Variants in ABCC8 observed in about 807,000 individuals in gnomAD.
ABCC8 encodes ATP binding cassette subfamily C member 8.
ABCC8 carries 137 observed loss-of-function variants against 188.0 expected under a neutral mutation model. The observed-to-expected ratio is 0.73, with a 90% CI of 0.63 to 0.84. The LOEUF (loss-of-function observed/expected upper bound fraction) is 0.84. Ranked by LOEUF, ABCC8 falls within the 40% of genes least tolerant of loss-of-function variation. The pLI is 0.00. For missense variants in ABCC8, 1,750 were observed against 2,072.7 expected (o/e 0.84, Z 3.02); for synonymous variants, 797 against 846.5 (o/e 0.94, Z 1.01).
chr11:17,421,100 A>G (rs760275870), intron 16 of ABCC8, among the ~76,000 whole-genome samples: 1 of 152,082 alleles, frequency 6.6e-6, no homozygotes, highest in Non-Finnish European at 1.5e-5. Flanking sequence ...CTGTCTGCAC[A>G]CCTCTGTCCA....
At chr11:17,458,576 T>G (rs1318502702) in intron 6 of ABCC8, among the ~76,000 whole-genome samples, 1 of 152,192 alleles carries the variant, frequency 6.6e-6, no homozygotes, top group Non-Finnish European at 1.5e-5. Flanking sequence ...ATGGGGGTAT[T>G]CTGGGGTAGC....
Position 17,430,033 on chromosome 11 carries a change from C to T in ABCC8, c.1817+781G>A, listed in dbSNP as rs1384022065. The T allele has an allele frequency of 2.6e-5, 4 of 152,582 alleles. No homozygotes were observed. The East Asian group carries it at 7.7e-4, about 29-fold the overall frequency. The allele number at this position is 152,582 out of a possible 1,614,324, so 9.5% of individuals were successfully genotyped here. On this transcript the variant is annotated intron_variant, in intron 12 of 38. Coordinates refer to ENST00000389817, the MANE Select transcript of ABCC8 (RefSeq NM_000352.6). ...GTGTCACCTTCCTCAAGGCTGAAGA[C>T]ACAGAGGACATTTGTTACTGACTGG...
At chr11:17,434,998 T>C (rs796423655) in intron 10 of ABCC8, among the ~76,000 whole-genome samples, 5 of 147,600 alleles carry the variant, frequency 3.4e-5, no homozygotes, top group African/African-American at 1.3e-4. Context: ...TGTGTGTGTG[T>C]GTGTGTGTGT....
Position 17,431,009 on chromosome 11 carries a change from C to T in ABCC8, c.1672-50G>A, listed in dbSNP as rs749149218. The T allele has an allele frequency of 5.0e-6, 8 of 1,603,740 alleles. No homozygotes were observed. In the African/African-American group the frequency reaches 1.1e-4, roughly 21 times the overall value. On this transcript the variant is annotated intron_variant, in intron 11 of 38. Transcript: ENST00000389817. ...CCAGGGTGGCCCAGGGTGTGGGTCCCTCCCACACTGGAAACGCTCAGCACT... is the reference window on the plus strand; with the variant it reads ...CCAGGGTGGCCCAGGGTGTGGGTCCTTCCCACACTGGAAACGCTCAGCACT...
At chr11:17,475,252 C>G (rs937372176) in intron 1 of ABCC8, among the ~76,000 whole-genome samples, 1 of 152,218 alleles carries the variant, frequency 6.6e-6, no homozygotes, top group African/African-American at 2.4e-5. Flanking sequence ...GGGTCTTGCT[C>G]TGTTGCCTCT....
At chr11:17,396,578 T>C in intron 33 of ABCC8, 7 of 365,300 alleles carry the variant, frequency 1.9e-5, no homozygotes, top group South Asian at 1.6e-4. Flanking sequence ...CCCAGGTCCC[T>C]GCCCTGAAGC....
chr11:17,454,015 C>T (rs1226425721), intron 6 of ABCC8, among the ~76,000 whole-genome samples: 1 of 152,182 alleles, frequency 6.6e-6, no homozygotes, highest in Non-Finnish European at 1.5e-5. Flanking sequence ...CCCAGGAAAA[C>T]TTTGATCTTG....
chr11:17,394,118 TC>T (rs1367947296), intron 37 of ABCC8, 147 bp downstream of exon 37: 3 of 1,076,836 alleles, frequency 2.8e-6, no homozygotes, highest in Middle Eastern at 3.0e-4. Flanking sequence ...AGAGTCAGGG[TC>T]CCCCCAGCTC....
intron 12 of ABCC8, chr11:17,430,569 T>C: frequency 1.8e-6 from 1 of 546,644 alleles, no homozygotes; most frequent in Non-Finnish European, 3.3e-6. Flanking sequence ...TTTTAAGTTG[T>C]CGTGAAAGTG....
At position 17,396,988 on chromosome 11, in the gene ABCC8, C is replaced by G; in HGVS notation, c.4047G>C (p.Leu1349=). 6.2e-7 allele frequency: 1 copy of G among 1,614,234 alleles called. No homozygotes were observed. The highest frequency in any genetic ancestry group is 1.1e-5 in the South Asian group (1 of 91,080). Residue 1349 remains leucine (L), a synonymous_variant, in exon 33 of 39, where the codon CTG becomes CTC. Transcript: ENST00000389817. ...TCAGGGAGCTGTCGTAGCGCACGCT[C>G]AGGTTCTGGATCTGGATCTTCCCTT... ...PDQGKIQIQN[L]SVRYDSSLKP... is the part of the protein sequence containing the mutation.
At chr11:17,434,539 C>T (rs926212622) in intron 10 of ABCC8, among the ~76,000 whole-genome samples, 10 of 152,108 alleles carry the variant, frequency 6.6e-5, no homozygotes, top group South Asian at 2.1e-4. Context: ...CCATCCCAAA[C>T]GAAATAAACT....
At position 17,470,227 on chromosome 11, in the gene ABCC8, G is replaced by A. The variant is rs2133711631; in HGVS notation, c.291-5C>T. ...AGATGGTGGGATTCGGTCACCCTGA[G>A]ATGGGAGAGAGAAACAGACAGGATG... On this transcript the variant is annotated splice_polypyrimidine_tract_variant and splice_region_variant and intron_variant, in intron 2 of 38. Coordinates refer to ENST00000389817, the MANE Select transcript of ABCC8 (RefSeq NM_000352.6). 2 of 1,614,134 alleles carry A rather than the reference G, an allele frequency of 1.2e-6. No homozygotes were observed. Among genetic ancestry groups the A allele is most frequent in the East Asian group, 2.2e-5 (1 of 44,868 alleles).
rs1218705276 is a variant in ABCC8 at position 17,428,661 on chromosome 11, C to A, written c.1827G>T (p.Lys609Asn). The change falls in exon 13 of 39, where the codon AAG becomes AAT. Residue 609 changes from lysine (K) to asparagine (N), a missense_variant. By Grantham distance (94) the Lys-to-Asn change is moderately conservative. Transcript: ENST00000389817. ...STVKALVSVQ[K>N]LSEFLSSAEI... ...CTGCACTGGACAGGAACTCGCTTAG[C>A]TTTTGCACGCTGCTCGGGAAGCACA... The A allele has an allele frequency of 6.2e-7, 1 of 1,613,076 alleles. No homozygotes were observed. The highest frequency in any genetic ancestry group is 2.2e-5 in the East Asian group (1 of 44,886).
intron 23 of ABCC8, 155 bp from the exon 24 acceptor site, chr11:17,407,608 C>A (rs2133449872): frequency 1.2e-6 from 1 of 851,818 alleles, no homozygotes. Flanking sequence ...TTCATCTTGC[C>A]AGGATTTAGT....
chr11:17,450,336 CTT>C (rs1956748919), intron 7 of ABCC8, among the ~76,000 whole-genome samples: 1 of 123,746 alleles, frequency 8.1e-6, no homozygotes, highest in African/African-American at 3.0e-5. Context: ...CTCTCTCTCT[CTT>C]TCCTTTCTTT....
At chr11:17,414,207 G>A (rs1029229682) in intron 19 of ABCC8, among the ~76,000 whole-genome samples, 1 of 152,224 alleles carries the variant, frequency 6.6e-6, no homozygotes, top group Non-Finnish European at 1.5e-5. Flanking sequence ...TAGTGCAGGA[G>A]CCAGGCGAAT....
chr11:17,467,085 C>CACACA (rs1554945177), intron 3 of ABCC8, among the ~76,000 whole-genome samples: 59 of 150,784 alleles, frequency 3.9e-4, no homozygotes, highest in Middle Eastern at 3.4e-3. Flanking sequence ...CACACACACA[C>CACACA]AACTTCCCAT....
rs1244958149 is a variant in ABCC8, at chr11:17,435,698, A to G, written c.1631-3454T>C. 6 of 1,380,332 alleles carry G rather than the reference A, an allele frequency of 4.3e-6. No homozygotes were observed. The East Asian group carries it at 1.1e-4, about 26-fold the overall frequency. 85.5% of individuals were successfully genotyped at this position (1,380,332 alleles called of 1,614,324 possible). ...CACATGGCTGCCAGCCCTACAGAGG[A>G]CAGTACAGTAAGAACCGGGACAACC... On this transcript the variant is annotated intron_variant, in intron 10 of 38. Coordinates refer to ENST00000389817, the MANE Select transcript of ABCC8 (RefSeq NM_000352.6).
At chr11:17,444,423 T>A (rs1469745474) in intron 8 of ABCC8, 1 of 152,208 alleles carries the variant, frequency 6.6e-6, no homozygotes. Context: ...AAGGCTCCCA[T>A]GGCACCCCAA....
Sources: gnomAD v4.1 joint callset for allele counts (sites outside exome capture counted in the v4.1 genomes callset) on GRCh38, gnomAD v4.1.1 for gene constraint, MANE v1.5 for transcripts, NCBI Gene and HGNC (gene_info 2026-07-23, HGNC 2026-07-21) for gene names.